Variants in CLSTN2 observed in about 807,000 individuals in gnomAD.
The protein encoded by CLSTN2 is calsyntenin 2.
Under a neutral mutation model 101.2 loss-of-function variants are expected in CLSTN2, and 48 were observed. The ratio of observed to expected loss-of-function variants is 0.47; its 90% CI spans 0.38 to 0.60. CLSTN2 has a LOEUF of 0.60. CLSTN2 is among the 20% of genes least tolerant of loss of function. The probability of loss-of-function intolerance (pLI) is 0.00; values close to 1 mark genes in which losing one functional copy is unlikely to be tolerated. For synonymous variants in CLSTN2, 481 were observed against 463.6 expected (o/e 1.04, Z -0.48); for missense variants, 1,160 against 1,238.2 (o/e 0.94, Z 0.95).
chr3:140,220,484 T>C (rs2086258013), intron 2 of CLSTN2, among the ~76,000 whole-genome samples: 1 of 152,196 alleles, frequency 6.6e-6, no homozygotes, highest in South Asian at 2.1e-4. Context: ...TTGGTCTAGA[T>C]GCCTTTAGCT....
intron 8 of CLSTN2, among the ~76,000 whole-genome samples, chr3:140,512,808 C>G (rs562280973): frequency 6.6e-6 from 1 of 152,228 alleles, no homozygotes; most frequent in South Asian, 2.1e-4. Flanking sequence ...GTTTGTAATT[C>G]TCCTTGAAGA....
At chr3:140,200,953 C>T (rs1457798240) in intron 2 of CLSTN2, among the ~76,000 whole-genome samples, 1 of 152,144 alleles carries the variant, frequency 6.6e-6, no homozygotes, top group African/African-American at 2.4e-5. Context: ...CTTGAAACTG[C>T]TTGTTCCCCT....
intron 8 of CLSTN2, chr3:140,505,590 C>T (rs544443822): frequency 1.7e-4 from 26 of 152,258 alleles, no homozygotes; most frequent in African/African-American, 6.3e-4. Context: ...CAGTTCAGTT[C>T]ACTTCTCCAA....
intron 4 of CLSTN2, among the ~76,000 whole-genome samples, chr3:140,411,475 T>C (rs935006258): frequency 6.6e-6 from 1 of 152,214 alleles, no homozygotes; most frequent in Non-Finnish European, 1.5e-5. Flanking sequence ...AATACAAGAA[T>C]AGTAAGAAAC....
At chr3:140,187,759 C>G (rs971119201) in intron 2 of CLSTN2, among the ~76,000 whole-genome samples, 4 of 152,168 alleles carry the variant, frequency 2.6e-5, no homozygotes, top group Non-Finnish European at 5.9e-5. Flanking sequence ...CACTCCTCCT[C>G]TCATGCCCAC....
At chr3:139,972,473 G>C (rs1475464974) in intron 1 of CLSTN2, among the ~76,000 whole-genome samples, 4 of 152,116 alleles carry the variant, frequency 2.6e-5, no homozygotes, top group African/African-American at 4.8e-5. Flanking sequence ...GAAAGAGTAG[G>C]CCACGGAGCC....
rs750088450 is a variant in CLSTN2 at position 140,311,287 on chromosome 3, CTTTTTTTTTTTTTTTTTT to C, written c.233-92323_233-92306del. 2.3e-4 allele frequency among the ~76,000 whole-genome samples: 12 copies of C among 52,080 alleles called. No individual in the cohort carries two copies. The South Asian group carries it at 2.6e-3, about 11-fold the overall frequency. The allele number at this position is 52,080 out of a possible 152,430, so 34.2% of individuals were successfully genotyped here. A position where few individuals can be genotyped will look rare whatever the true frequency, so the allele number is the denominator to read the frequency against. The stretch of plus-strand genomic sequence containing the variant: ...ATAATAACAGCTAAGGTTTATTATC[CTTTTTTTTTTTTTTTTTT>C]TTTTTTTTTTTTTTTTTTGAGACAG... On this transcript the variant is annotated intron_variant, in intron 2 of 16. Transcript: ENST00000458420.
intron 9 of CLSTN2, among the ~76,000 whole-genome samples, chr3:140,539,446 A>C (rs1338776459): frequency 6.6e-6 from 1 of 152,228 alleles, no homozygotes; most frequent in African/African-American, 2.4e-5. Flanking sequence ...CTGGAAACAG[A>C]GTATCACTGA....
intron 2 of CLSTN2, among the ~76,000 whole-genome samples, chr3:140,240,210 A>G (rs2086452101): frequency 2.4e-4 from 2 of 8,502 alleles, no homozygotes; most frequent in African/African-American, 3.0e-4. Context: ...ACACACACAC[A>G]CACACACACA....
intron 9 of CLSTN2, among the ~76,000 whole-genome samples, chr3:140,535,567 C>G (rs1935342110): frequency 6.6e-6 from 1 of 152,236 alleles, no homozygotes; most frequent in African/African-American, 2.4e-5. Context: ...TAGGACTGAT[C>G]TCCCTTAGAG....
Position 140,305,343 on chromosome 3 carries a change from G to T in CLSTN2, c.233-98286G>T, listed in dbSNP as rs377678314. On this transcript the variant is annotated intron_variant, in intron 2 of 16. Coordinates refer to ENST00000458420, the MANE Select transcript of CLSTN2 (RefSeq NM_022131.3). ...TAATACTTTCAGAAACTGAATACAG[G>T]TCCCTTTAAACTCCATTCCCATTAG... is the stretch of plus-strand genomic sequence containing the variant. Among the ~76,000 whole-genome samples the T allele has an allele frequency of 3.9e-5, 6 of 152,168 alleles. No homozygotes were observed. The East Asian group carries it at 7.7e-4, about 20-fold the overall frequency.
chr3:140,395,425 G>A (rs2088170414), intron 2 of CLSTN2, among the ~76,000 whole-genome samples: 1 of 152,134 alleles, frequency 6.6e-6, no homozygotes, highest in African/African-American at 2.4e-5. Context: ...GAACTTTCAG[G>A]ATTAGGCATG....
rs2107800412 is a variant in CLSTN2 at position 140,575,108 on chromosome 3, C to A, written c.*8855C>A. ...GTGTGGGATTCAGAAGAGGTCTGCT[C>A]ATGTTCACTAGCCAAACTTTAGGTG... On this transcript the variant is annotated 3_prime_UTR_variant, in exon 17 of 17. Transcript: ENST00000458420. 1.3e-5 allele frequency: 2 copies of A among 152,354 alleles called. No homozygotes were observed. Among genetic ancestry groups the A allele is most frequent in the South Asian group, 4.1e-4 (2 of 4,830 alleles). The allele number at this position is 152,354 out of a possible 1,614,324, so 9.4% of individuals were successfully genotyped here.
intron 2 of CLSTN2, among the ~76,000 whole-genome samples, chr3:140,259,175 A>AT (rs2086628416): frequency 6.6e-6 from 1 of 150,426 alleles, no homozygotes; most frequent in African/African-American, 2.4e-5. Flanking sequence ...TGATTGAAAA[A>AT]AAAAAGCTGC....
At chr3:140,253,072 A>G (rs1039588604) in intron 2 of CLSTN2, among the ~76,000 whole-genome samples, 1 of 152,164 alleles carries the variant, frequency 6.6e-6, no homozygotes, top group African/African-American at 2.4e-5. Flanking sequence ...TGTAAGTTCG[A>G]TCACTGGGAT....
chr3:140,243,560 T>C (rs952781470), intron 2 of CLSTN2, among the ~76,000 whole-genome samples: 1 of 152,236 alleles, frequency 6.6e-6, no homozygotes, highest in Non-Finnish European at 1.5e-5. Context: ...TGGGTGTCCC[T>C]GTGGCTGTCC....
intron 8 of CLSTN2, among the ~76,000 whole-genome samples, chr3:140,523,502 T>C (rs2107774905): frequency 6.6e-6 from 1 of 152,316 alleles, no homozygotes; most frequent in East Asian, 1.9e-4. Context: ...TTATATTATA[T>C]CCAGCATCTC....
Position 140,403,636 on chromosome 3 carries a change from C to T in CLSTN2, c.240C>T (p.Ile80=). 4 of 1,608,782 alleles carry T rather than the reference C, an allele frequency of 2.5e-6. No homozygotes were observed. Among genetic ancestry groups the T allele is most frequent in the Non-Finnish European group, 3.4e-6 (4 of 1,177,198 alleles). Residue 80 remains isoleucine (I), a synonymous_variant, in exon 3 of 17, where the codon ATC becomes ATT. Coordinates refer to ENST00000458420, the MANE Select transcript of CLSTN2 (RefSeq NM_022131.3). ...KDAPVPFAGE[I]CAFKIHGQEL... Reference sequence around the variant, plus strand: ...TTTTCCATCCTTCTGCAGGGGAAATCTGTGCGTTCAAGATCCATGGCCAGG... The same window carrying T: ...TTTTCCATCCTTCTGCAGGGGAAATTTGTGCGTTCAAGATCCATGGCCAGG...
chr3:140,342,803 T>TG (rs1263349168), intron 2 of CLSTN2, among the ~76,000 whole-genome samples: 1 of 152,118 alleles, frequency 6.6e-6, no homozygotes, highest in Non-Finnish European at 1.5e-5. Flanking sequence ...GGAACAAAGC[T>TG]GGGACTGTGG....
Sources: gnomAD v4.1 joint callset for allele counts (sites outside exome capture counted in the v4.1 genomes callset) on GRCh38, gnomAD v4.1.1 for gene constraint, MANE v1.5 for transcripts, NCBI Gene and HGNC (gene_info 2026-07-23, HGNC 2026-07-21) for gene names.